The following HDAC9 variants were observed in gnomAD, a reference collection of about 807,000 sequenced individuals.
HDAC9 encodes the protein MEF-2 interacting transcription repressor (MITR) protein.
A neutral mutation model predicts 139.4 loss-of-function variants in HDAC9; 41 were observed. The ratio of observed to expected loss-of-function variants is 0.29; its 90% CI spans 0.23 to 0.38. The LOEUF is 0.38. Ranked by LOEUF, HDAC9 falls within the 10% of genes least tolerant of loss-of-function variation. The probability of loss-of-function intolerance (pLI) is 1.00; values close to 1 mark genes in which losing one functional copy is unlikely to be tolerated. For missense variants in HDAC9, 1,147 were observed against 1,297.0 expected, an observed-to-expected ratio of 0.88 and a Z score of 1.78; for synonymous variants, 517 against 476.2, an observed-to-expected ratio of 1.09 and a Z score of -1.12.
chr7:18,371,848 G>A (rs1324169861), intron 1 of HDAC9, among the ~76,000 whole-genome samples: 3 of 152,106 alleles, frequency 2.0e-5, no homozygotes, highest in Admixed American at 2.0e-4. Flanking sequence ...CCTTGCAGTG[G>A]GCAAAAACAG....
chr7:18,349,707 A>C lies in HDAC9; in HGVS notation c.-42+59192A>C, dbSNP rs183145702. On this transcript the variant is annotated intron_variant, in intron 1 of 3. Transcript: ENST00000413509. ...TACTTTTCTAAACAAAGTTCCTGAC[A>C]AAAAAAAAAATGTGGTGTTGTGTTT... Among the ~76,000 whole-genome samples, 372 of 145,988 alleles carry C rather than the reference A, an allele frequency of 2.5e-3. 2 individuals carry two copies. The highest frequency in any genetic ancestry group is 7.8e-3 in the African/African-American group (312 of 40,176).
intron 15 of HDAC9, 47 bp from the exon 16 acceptor site, chr7:18,767,059 A>G (rs1250051509): frequency 3.3e-6 from 3 of 909,664 alleles, no homozygotes; most frequent in Non-Finnish European, 4.9e-6. Context: ...TTTAAAAATT[A>G]TATAACCTCC....
At chr7:18,198,157 T>A (rs944031639) in intron 2 of HDAC9, among the ~76,000 whole-genome samples, 1 of 152,142 alleles carries the variant, frequency 6.6e-6, no homozygotes, top group Admixed American at 6.6e-5. Context: ...TGTAATAGAT[T>A]AAATAAATCA....
chr7:18,091,186 A>G (rs914957977), intron 1 of HDAC9, among the ~76,000 whole-genome samples: 1 of 152,238 alleles, frequency 6.6e-6, no homozygotes, highest in African/African-American at 2.4e-5. Context: ...ATAGGAGCTC[A>G]TCCAAATCAT....
chr7:18,832,812 C>G (rs529067778), intron 19 of HDAC9, among the ~76,000 whole-genome samples: 1 of 151,940 alleles, frequency 6.6e-6, no homozygotes, highest in Non-Finnish European at 1.5e-5. Context: ...CTCGGCTCAC[C>G]GCAACCTCCA....
intron 2 of HDAC9, among the ~76,000 whole-genome samples, chr7:18,247,466 T>G (rs1794631488): frequency 6.6e-6 from 1 of 152,044 alleles, no homozygotes; most frequent in African/African-American, 2.4e-5. Flanking sequence ...GCTGAAGTGA[T>G]GGACAGTTGG....
intron 7 of HDAC9, among the ~76,000 whole-genome samples, chr7:18,632,153 G>A (rs1439866475): frequency 1.3e-5 from 2 of 151,882 alleles, no homozygotes; most frequent in African/African-American, 4.8e-5. Flanking sequence ...GCTCCTGTAA[G>A]AATTTTTAAA....
At chr7:18,653,066 G>T (rs554203437) in intron 11 of HDAC9, among the ~76,000 whole-genome samples, 1 of 151,758 alleles carries the variant, frequency 6.6e-6, no homozygotes, top group Non-Finnish European at 1.5e-5. Flanking sequence ...GAGAAACCCC[G>T]TCTCTACTAA....
chr7:18,740,232 G>T (rs779425351), intron 13 of HDAC9, among the ~76,000 whole-genome samples: 16 of 152,154 alleles, frequency 1.1e-4, no homozygotes, highest in Non-Finnish European at 1.6e-4. Flanking sequence ...TCCTGGGTGA[G>T]GTGATGCCCT....
rs950958385 is a variant in HDAC9, at chr7:18,627,881, T to C, written c.665-1469T>C. 5.9e-5 allele frequency among the ~76,000 whole-genome samples: 9 copies of C among 152,152 alleles called. No individual in the cohort carries two copies. In the East Asian group the frequency reaches 1.7e-3, roughly 29 times the overall value. ...ACAAAAAAAGTAGCTTTATTTTTTG[T>C]ATCTGAACTTCATTTTTAAGTTCCT... On this transcript the variant is annotated intron_variant, in intron 6 of 25. Coordinates refer to ENST00000686413, the MANE Select transcript of HDAC9 (RefSeq NM_178425.4).
chr7:18,896,577 C>A (rs539370766), intron 22 of HDAC9, among the ~76,000 whole-genome samples: 3 of 151,994 alleles, frequency 2.0e-5, no homozygotes, highest in Non-Finnish European at 2.9e-5. Flanking sequence ...CTGCCCAGAC[C>A]CCATTAAGTG....
At chr7:18,443,815 C>T (rs983293099) in intron 1 of HDAC9, among the ~76,000 whole-genome samples, 3 of 150,502 alleles carry the variant, frequency 2.0e-5, no homozygotes, top group African/African-American at 7.3e-5. Context: ...TATATATATA[C>T]ATATATATAT....
chr7:18,120,430 G>C (rs1209518961), intron 1 of HDAC9, among the ~76,000 whole-genome samples: 1 of 152,196 alleles, frequency 6.6e-6, no homozygotes, highest in Non-Finnish European at 1.5e-5. Flanking sequence ...CCATTCATTA[G>C]AGACGGAGCC....
At chr7:18,361,813 A>G (rs1783800206) in intron 1 of HDAC9, among the ~76,000 whole-genome samples, 1 of 150,980 alleles carries the variant, frequency 6.6e-6, no homozygotes, top group African/African-American at 2.4e-5. Flanking sequence ...TTGCAAGGAG[A>G]GAGAGAAAAA....
At chr7:18,864,367 G>A (rs1007805238) in intron 21 of HDAC9, among the ~76,000 whole-genome samples, 1 of 151,944 alleles carries the variant, frequency 6.6e-6, no homozygotes, top group African/African-American at 2.4e-5. Flanking sequence ...GCCAGGGACT[G>A]GGACCAGGGG....
At chr7:18,988,357 A>G (rs1436899643) in intron 25 of HDAC9, among the ~76,000 whole-genome samples, 4 of 151,812 alleles carry the variant, frequency 2.6e-5, no homozygotes, top group Non-Finnish European at 5.9e-5. Flanking sequence ...TTCAGTTTCC[A>G]TGTAGTTGAG....
chr7:18,816,554 G>T (rs1794575116), intron 17 of HDAC9, among the ~76,000 whole-genome samples: 2 of 152,186 alleles, frequency 1.3e-5, no homozygotes, highest in South Asian at 4.1e-4. Flanking sequence ...AGAGGAATCG[G>T]AGCCAATTGT....
chr7:18,446,244 A>C (rs1217451013), intron 1 of HDAC9, among the ~76,000 whole-genome samples: 1 of 152,252 alleles, frequency 6.6e-6, no homozygotes, highest in Admixed American at 6.5e-5. Context: ...AAGATGGCCA[A>C]AAATAAATAG....
chr7:18,618,640 A>G (rs1299419920), intron 6 of HDAC9, among the ~76,000 whole-genome samples: 1 of 151,216 alleles, frequency 6.6e-6, no homozygotes, highest in African/African-American at 2.4e-5. Flanking sequence ...GAGGGACATT[A>G]AAACATTATA....
Sources: allele counts gnomAD v4.1 joint callset (sites outside exome capture counted in the v4.1 genomes callset), GRCh38; gene constraint gnomAD v4.1.1; transcripts MANE v1.5; gene names NCBI Gene and HGNC (gene_info 2026-07-23, HGNC 2026-07-21).